The following ENTREP2 variants were observed in gnomAD, a reference collection of about 807,000 sequenced individuals.
ENTREP2 encodes the protein protein ENTREP2.
At chr15:29,652,366 C>T in the ENTREP2 span, among the ~76,000 whole-genome samples, 2 of 152,254 alleles carry the variant, frequency 1.3e-5, no homozygotes, top group African/African-American at 2.4e-5. Context: ...AGTAAAGCTC[C>T]TCTTCATCTT....
At chr15:29,257,082 AT>A in the ENTREP2 span, among the ~76,000 whole-genome samples, 2,533 of 143,650 alleles carry the variant, frequency 0.018, 85 homozygotes, top group African/African-American at 0.063. Context: ...TTATTTATTT[AT>A]TTATCTTGAG....
the ENTREP2 span, chr15:29,234,114 T>C: frequency 1.3e-6 from 2 of 1,521,750 alleles, no homozygotes; most frequent in African/African-American, 2.8e-5. Context: ...ATTCTCTGCA[T>C]CAATGACACA....
chr15:29,594,806 T>A, the ENTREP2 span, among the ~76,000 whole-genome samples: 5 of 151,872 alleles, frequency 3.3e-5, no homozygotes, highest in Admixed American at 3.3e-4. Flanking sequence ...CTACTAAAAA[T>A]TTAAAAATTA....
At chr15:29,525,145 T>C in the ENTREP2 span, among the ~76,000 whole-genome samples, 3 of 152,220 alleles carry the variant, frequency 2.0e-5, no homozygotes, top group African/African-American at 7.2e-5. Flanking sequence ...CAGCTAGTCC[T>C]GTCTTTCAGT....
At chr15:29,656,035 A>C in the ENTREP2 span, among the ~76,000 whole-genome samples, 421 of 151,298 alleles carry the variant, frequency 2.8e-3, 4 homozygotes, top group Middle Eastern at 0.02. Context: ...AAAAAAAAAA[A>C]AAAAAAAACA....
the ENTREP2 span, among the ~76,000 whole-genome samples, chr15:29,416,367 G>GA: frequency 2.0e-5 from 3 of 152,146 alleles, no homozygotes; most frequent in Non-Finnish European, 2.9e-5. Flanking sequence ...TCTGATCTTT[G>GA]ACTAACCTGA....
the ENTREP2 span, among the ~76,000 whole-genome samples, chr15:29,394,782 C>G: frequency 8.6e-5 from 13 of 150,904 alleles, no homozygotes; most frequent in Non-Finnish European, 1.8e-4. Context: ...CTTTCTGTCT[C>G]TATATGAGTG....
At chr15:29,538,757 C>T in the ENTREP2 span, among the ~76,000 whole-genome samples, 344 of 151,446 alleles carry the variant, frequency 2.3e-3, 3 homozygotes, top group Middle Eastern at 6.9e-3. Flanking sequence ...TGCAGTGAGC[C>T]GAGATCATGC....
the ENTREP2 span, among the ~76,000 whole-genome samples, chr15:29,428,283 G>C: frequency 3.2e-4 from 48 of 152,266 alleles, no homozygotes; most frequent in Non-Finnish European, 4.9e-4. Context: ...GTTCGATCTT[G>C]GCTCACTGCA....
chr15:29,250,751 T>C, the ENTREP2 span, among the ~76,000 whole-genome samples: 75,610 of 152,046 alleles, frequency 0.5, 20,602 homozygotes, highest in South Asian at 0.62. Flanking sequence ...TATTTAGGAA[T>C]AAAAAGGCTG....
chr15:29,263,246 A>G, the ENTREP2 span, among the ~76,000 whole-genome samples: 2 of 152,250 alleles, frequency 1.3e-5, no homozygotes, highest in Non-Finnish European at 2.9e-5. Context: ...TCACATGTAG[A>G]TTTGTTCCAA....
At chr15:29,512,215 TTTG>T in the ENTREP2 span, among the ~76,000 whole-genome samples, 2 of 152,274 alleles carry the variant, frequency 1.3e-5, no homozygotes, top group South Asian at 4.2e-4. Flanking sequence ...ATTTGTATTT[TTTG>T]TTATTTGTCA....
At chr15:29,352,096 G>A in the ENTREP2 span, among the ~76,000 whole-genome samples, 4 of 151,928 alleles carry the variant, frequency 2.6e-5, no homozygotes, top group Admixed American at 6.6e-5. Context: ...AACCATACCG[G>A]GCTAATTTTT....
the ENTREP2 span, among the ~76,000 whole-genome samples, chr15:29,232,639 T>G: frequency 6.6e-6 from 1 of 150,834 alleles, no homozygotes; most frequent in South Asian, 2.1e-4. Flanking sequence ...ACTACAGGTA[T>G]GCACCACCAC....
the ENTREP2 span, among the ~76,000 whole-genome samples, chr15:29,144,149 C>T: frequency 1.3e-5 from 2 of 152,160 alleles, no homozygotes; most frequent in Non-Finnish European, 2.9e-5. Context: ...TGCCAAGAGA[C>T]GCCTTCTTCT....
At chr15:29,388,896 T>C in the ENTREP2 span, among the ~76,000 whole-genome samples, 71 of 135,210 alleles carry the variant, frequency 5.3e-4, no homozygotes, top group African/African-American at 1.9e-3. Flanking sequence ...TTCTCACTCA[T>C]AGGTGGGAAT....
the ENTREP2 span, among the ~76,000 whole-genome samples, chr15:29,628,641 C>T: frequency 3.3e-5 from 5 of 152,124 alleles, no homozygotes; most frequent in Non-Finnish European, 7.4e-5. Flanking sequence ...ATTGGGGAAT[C>T]GTCTAGTTCT....
the ENTREP2 span, among the ~76,000 whole-genome samples, chr15:29,241,812 CA>C: frequency 1.6e-4 from 25 of 152,242 alleles, no homozygotes; most frequent in East Asian, 4.8e-3. Flanking sequence ...GCCGGAGGAT[CA>C]GTTGAGGCCA....
At chr15:29,624,827 C>T in the ENTREP2 span, among the ~76,000 whole-genome samples, 1 of 151,964 alleles carries the variant, frequency 6.6e-6, no homozygotes, top group African/African-American at 2.4e-5. Context: ...CTACATTACA[C>T]TGCAACCTTA....
Sources: gnomAD v4.1 joint callset for allele counts (sites outside exome capture counted in the v4.1 genomes callset) on GRCh38, gnomAD v4.1.1 for gene constraint, MANE v1.5 for transcripts, NCBI Gene and HGNC (gene_info 2026-07-23, HGNC 2026-07-21) for gene names.